Variants in CHST7 observed in about 807,000 individuals in gnomAD.
The protein encoded by CHST7 is carbohydrate sulfotransferase 7.
In CHST7, 5 loss-of-function variants were observed where a neutral mutation model predicts 9.0. The observed-to-expected ratio is 0.56, with a 90% CI of 0.29 to 1.17. The LOEUF (loss-of-function observed/expected upper bound fraction) is 1.17, where lower values mean the gene tolerates loss of function less well. CHST7 is among the 50% of genes most tolerant of loss of function. The pLI, the probability that CHST7 is intolerant of heterozygous loss-of-function variation, is 0.08. For missense variants in CHST7, 377 were observed against 485.1 expected (o/e 0.78, Z 2.09); for synonymous variants, 244 against 237.1 (o/e 1.03, Z -0.27).
At chrX:46,589,942 C>T (rs762522737) in intron 1 of CHST7, among the ~76,000 whole-genome samples, 9 of 111,968 alleles carry the variant, frequency 8.0e-5, no homozygotes, top group Non-Finnish European at 1.3e-4. Context: ...TCTTTCAGAG[C>T]ACACATCTCT....
At chrX:46,593,578 A>G (rs968119941) in intron 1 of CHST7, among the ~76,000 whole-genome samples, 4 of 111,485 alleles carry the variant, frequency 3.6e-5, no homozygotes, top group Non-Finnish European at 7.5e-5. Context: ...ATTAATGGTA[A>G]TGTTTTTAAA....
At chrX:46,583,105 A>G (rs1260662707) in intron 1 of CHST7, among the ~76,000 whole-genome samples, 1 of 111,593 alleles carries the variant, frequency 9.0e-6, no homozygotes, top group East Asian at 2.8e-4. Flanking sequence ...TGAGCAGGCC[A>G]GAAAAGAATG....
chrX:46,594,558 A>G (rs764666888), intron 1 of CHST7, among the ~76,000 whole-genome samples: 2 of 110,401 alleles, frequency 1.8e-5, no homozygotes, highest in South Asian at 7.6e-4. Flanking sequence ...GGATTGGCAG[A>G]TATTTTCTTT....
rs1303087027 is a variant in CHST7, at chrX:46,575,031, G to A, written c.1100G>A (p.Arg367Gln). 2.7e-6 allele frequency: 3 copies of A among 1,128,328 alleles called. No homozygotes were observed. Among genetic ancestry groups the A allele is most frequent in the South Asian group, 2.1e-5 (1 of 47,433 alleles). 93.0% of individuals were successfully genotyped at this position (1,128,328 alleles called of 1,213,427 possible). The change falls in exon 1 of 2, where the codon CGG (arginine) becomes CAG (glutamine). Residue 367 changes from arginine to glutamine, a missense_variant. Transcript: ENST00000276055. The part of the protein sequence containing the change: ...LFARGAPAWL[R>Q]RRYLRLRYED... ...GCGCGCGGCGCGCCCGCCTGGCTGC[G>A]GCGCCGCTACCTGAGGCTGCGCTAT...
chrX:46,590,195 C>T (rs372169082), intron 1 of CHST7, among the ~76,000 whole-genome samples: 88 of 111,620 alleles, frequency 7.9e-4, no homozygotes, highest in African/African-American at 2.8e-3. Context: ...AGTTTGTTTC[C>T]GGTCTTTAAA....
chrX:46,576,748 A>ATT (rs1204543517), intron 1 of CHST7, among the ~76,000 whole-genome samples: 1 of 112,420 alleles, frequency 8.9e-6, no homozygotes, highest in South Asian at 3.6e-4. Context: ...TTCCCCTGAG[A>ATT]TGAAGCTCTG....
chrX:46,591,443 C>T (rs1230035235), intron 1 of CHST7, among the ~76,000 whole-genome samples: 3 of 111,224 alleles, frequency 2.7e-5, no homozygotes, highest in African/African-American at 9.8e-5. Context: ...GGTGCGATCT[C>T]GGCTCGCTGC....
At position 46,584,011 on chromosome X, in the gene CHST7, C is replaced by T. The variant is rs138282577; in HGVS notation, c.*31+8588C>T. 1.9e-3 allele frequency among the ~76,000 whole-genome samples: 209 copies of T among 111,759 alleles called. 4 individuals are homozygous for T. The South Asian group carries it at 0.033, about 18-fold the overall frequency. On this transcript the variant is annotated intron_variant, in intron 1 of 1. Coordinates refer to ENST00000276055, the MANE Select transcript of CHST7 (RefSeq NM_019886.4). ...TCTGTGCCTGGCTTATTTCACTTAACGTAATGACTTCCAGTTCTTCTGATG... is the reference window on the plus strand; with the variant it reads ...TCTGTGCCTGGCTTATTTCACTTAATGTAATGACTTCCAGTTCTTCTGATG...
chrX:46,574,565 C>A lies in CHST7; in HGVS notation c.634C>A (p.Arg212Ser), dbSNP rs780688599. The A allele has an allele frequency of 8.3e-7, 1 of 1,205,901 alleles. No individual in the cohort carries two copies. Among genetic ancestry groups the A allele is most frequent in the Admixed American group, 2.2e-5 (1 of 45,655 alleles). The change falls in exon 1 of 2, where the codon CGT (arginine) becomes AGT (serine). Residue 212 changes from arginine to serine, a missense_variant. This residue lies in a region of CHST7 where 239 missense variants were observed against 325.7 expected (regional missense o/e 0.73). Transcript: ENST00000276055. ...GCCGCCACTGTGTCCTGGCGCACCC[C>A]GTGCCCGGGCCGAGGTGGGCCTCGT... is the stretch of plus-strand genomic sequence containing the variant. The part of the protein sequence containing the change: ...CSPPLCPGAP[R>S]ARAEVGLVED...
chrX:46,593,754 C>G (rs1160377697), intron 1 of CHST7, among the ~76,000 whole-genome samples: 1 of 111,492 alleles, frequency 9.0e-6, no homozygotes, highest in Non-Finnish European at 1.9e-5. Flanking sequence ...TTTAGAATTT[C>G]ATTTTATCTG....
intron 1 of CHST7, among the ~76,000 whole-genome samples, chrX:46,592,795 T>G (rs772099211): frequency 9.2e-6 from 1 of 108,389 alleles, no homozygotes; most frequent in Admixed American, 1.0e-4. Context: ...TTGGGTTTTT[T>G]TAATCATCTA....
chrX:46,585,295 C>CT (rs367597052), intron 1 of CHST7, among the ~76,000 whole-genome samples: 3,019 of 23,064 alleles, frequency 0.13, 93 homozygotes, highest in Admixed American at 0.27. Context: ...CTTTTCTTTT[C>CT]TTTTTTTTTT....
At position 46,574,939 on chromosome X, in the gene CHST7, C is replaced by T. The variant is rs765552569; in HGVS notation, c.1008C>T (p.Arg336=). 8.7e-7 allele frequency: 1 copy of T among 1,151,549 alleles called. No individual in the cohort carries two copies. 94.9% of individuals were successfully genotyped at this position (1,151,549 alleles called of 1,213,427 possible). A position where few individuals can be genotyped will look rare whatever the true frequency, so the allele number is the denominator to read the frequency against. ...GQSRALPAAP[R]ADFFLTGALE... ...CTCGCGCGCTGCCCGCCGCGCCGCG[C>T]GCCGATTTCTTCCTGACCGGTGCGC... is the stretch of plus-strand genomic sequence containing the variant. Residue 336 remains arginine, a synonymous_variant, in exon 1 of 2, where the codon CGC becomes CGT. Coordinates refer to ENST00000276055, the MANE Select transcript of CHST7 (RefSeq NM_019886.4).
At chrX:46,589,458 G>T (rs1488435243) in intron 1 of CHST7, among the ~76,000 whole-genome samples, 1 of 109,375 alleles carries the variant, frequency 9.1e-6, no homozygotes, top group Non-Finnish European at 1.9e-5. Context: ...GCTGAGGCCA[G>T]AGAATTGCTT....
Position 46,575,065 on chromosome X carries a change from G to A in CHST7, c.1134G>A (p.Leu378=). 1.8e-6 allele frequency: 2 copies of A among 1,130,342 alleles called. No homozygotes were observed. Among genetic ancestry groups the A allele is most frequent in the Non-Finnish European group, 2.3e-6 (2 of 864,179 alleles). 93.2% of individuals were successfully genotyped at this position (1,130,342 alleles called of 1,213,427 possible). A position where few individuals can be genotyped will look rare whatever the true frequency, so the allele number is the denominator to read the frequency against. The change falls in exon 1 of 2, where the codon CTG becomes CTA. Residue 378 remains leucine (L), a synonymous_variant. Transcript: ENST00000276055. ...ACCTGAGGCTGCGCTATGAGGACCT[G>A]GTGCGGCAGCCACGCGCCCAGCTGC... ...RRYLRLRYED[L]VRQPRAQLRR...
chrX:46,582,755 TTG>T (rs1942530900), intron 1 of CHST7, among the ~76,000 whole-genome samples: 2 of 111,654 alleles, frequency 1.8e-5, no homozygotes, highest in South Asian at 7.5e-4. Context: ...TTGCAGGGGA[TTG>T]TACTTACTGA....
chrX:46,590,148 G>C (rs1257017846), intron 1 of CHST7, among the ~76,000 whole-genome samples: 4 of 112,136 alleles, frequency 3.6e-5, no homozygotes, highest in African/African-American at 1.3e-4. Flanking sequence ...TTTAGCACTT[G>C]GTTAGTCATT....
Position 46,575,186 on chromosome X carries a change from C to A in CHST7, c.1255C>A (p.Pro419Thr). Residue 419 changes from proline (P) to threonine (T), a missense_variant, in exon 1 of 2, where the codon CCC becomes ACC. Transcript: ENST00000276055. The stretch of plus-strand genomic sequence containing the variant: ...CGGCGCGGCCTACGGCGCCGACCGG[C>A]CCTTCCACCTGTCAGCGCGCGACGC... The part of the protein sequence containing the change: ...TRGAAYGADR[P>T]FHLSARDARE... The A allele has an allele frequency of 9.1e-7, 1 of 1,103,733 alleles. No homozygotes were observed. The allele number at this position is 1,103,733 out of a possible 1,213,427, so 91.0% of individuals were successfully genotyped here. A position where few individuals can be genotyped will look rare whatever the true frequency, so the allele number is the denominator to read the frequency against.
intron 1 of CHST7, among the ~76,000 whole-genome samples, chrX:46,594,955 G>C (rs1306587730): frequency 9.0e-6 from 1 of 111,163 alleles, no homozygotes; most frequent in African/African-American, 3.3e-5. Context: ...ATTTTCTGTT[G>C]TTCAGATTTG....
Sources: gnomAD v4.1 joint callset for allele counts (sites outside exome capture counted in the v4.1 genomes callset) on GRCh38, gnomAD v4.1.1 for gene constraint, gnomAD v4.1.1 regional missense constraint, MANE v1.5 for transcripts, NCBI Gene and HGNC (gene_info 2026-07-23, HGNC 2026-07-21) for gene names.